KCNQ5: variants seen among roughly 807,000 people sequenced by gnomAD.
The protein encoded by KCNQ5 is potassium voltage-gated channel subfamily Q member 5.
In KCNQ5, 30 loss-of-function variants were observed where a neutral mutation model predicts 98.2. The observed-to-expected ratio is 0.31, with a 90% CI of 0.23 to 0.41. KCNQ5 has a LOEUF of 0.41. Ranked by LOEUF, KCNQ5 falls within the 10% of genes least tolerant of loss-of-function variation. The probability of loss-of-function intolerance (pLI) is 1.00; values close to 1 mark genes in which losing one functional copy is unlikely to be tolerated. For synonymous variants in KCNQ5, 458 were observed against 449.4 expected (o/e 1.02, Z -0.24); for missense variants, 835 against 1,182.5 (o/e 0.71, Z 4.31).
intron 1 of KCNQ5, among the ~76,000 whole-genome samples, chr6:72,754,265 A>G (rs762378185): frequency 2.0e-5 from 3 of 152,098 alleles, no homozygotes; most frequent in Non-Finnish European, 4.4e-5. Flanking sequence ...CTATTTTTAT[A>G]TCTATTGACA....
At chr6:72,931,103 T>A (rs891956561) in intron 1 of KCNQ5, among the ~76,000 whole-genome samples, 1 of 152,196 alleles carries the variant, frequency 6.6e-6, no homozygotes, top group African/African-American at 2.4e-5. Context: ...TATAAAAGCA[T>A]ACAGACTCTG....
intron 9 of KCNQ5, among the ~76,000 whole-genome samples, chr6:73,128,098 T>C (rs4635988): frequency 0.96 from 145,784 of 152,200 alleles, 69,813 homozygotes; most frequent in South Asian, 0.99. Context: ...TACAAGCCAT[T>C]AATCTGAAGA....
chr6:72,885,554 G>A (rs1047231821), intron 1 of KCNQ5, among the ~76,000 whole-genome samples: 1 of 152,146 alleles, frequency 6.6e-6, no homozygotes, highest in Non-Finnish European at 1.5e-5. Flanking sequence ...CTAACAATAT[G>A]AAGGAATATG....
intron 1 of KCNQ5, among the ~76,000 whole-genome samples, chr6:72,851,477 T>C (rs1251364051): frequency 6.6e-6 from 1 of 152,172 alleles, no homozygotes; most frequent in Non-Finnish European, 1.5e-5. Flanking sequence ...CTAAATGTCA[T>C]AGTTTTCTGG....
chr6:72,760,570 G>A (rs1772217483), intron 1 of KCNQ5, among the ~76,000 whole-genome samples: 1 of 151,900 alleles, frequency 6.6e-6, no homozygotes. Flanking sequence ...AAAAGTGAAA[G>A]GCATTTTTAG....
At chr6:72,802,465 A>G (rs1265427199) in intron 1 of KCNQ5, among the ~76,000 whole-genome samples, 1 of 152,158 alleles carries the variant, frequency 6.6e-6, no homozygotes, top group Non-Finnish European at 1.5e-5. Context: ...AACAAAATAA[A>G]CAATCCTCTT....
At chr6:72,935,076 T>C (rs1765850877) in intron 1 of KCNQ5, among the ~76,000 whole-genome samples, 1 of 145,328 alleles carries the variant, frequency 6.9e-6, no homozygotes, top group Non-Finnish European at 1.5e-5. Flanking sequence ...TTTTTTTTTT[T>C]TTTTTTTTTT....
chr6:72,815,191 C>T (rs1399626302), intron 1 of KCNQ5, among the ~76,000 whole-genome samples: 4 of 152,150 alleles, frequency 2.6e-5, no homozygotes, highest in Non-Finnish European at 5.9e-5. Context: ...TGATACATAA[C>T]ATGTAGATGG....
intron 1 of KCNQ5, chr6:72,678,445 T>G (rs1767528293): frequency 6.6e-6 from 1 of 152,130 alleles, no homozygotes. Context: ...CCCCAGGGCT[T>G]GTTCTCTTCA....
At chr6:72,746,874 T>C (rs776544548) in intron 1 of KCNQ5, among the ~76,000 whole-genome samples, 85 of 152,260 alleles carry the variant, frequency 5.6e-4, no homozygotes, top group Middle Eastern at 6.8e-3. Context: ...TAGATACTAA[T>C]GTAGTAGTTG....
intron 1 of KCNQ5, among the ~76,000 whole-genome samples, chr6:72,941,392 C>CCTTCTT (rs1766248555): frequency 1.1e-5 from 1 of 88,446 alleles, no homozygotes; most frequent in East Asian, 3.3e-4. Flanking sequence ...TCCTTCCTTC[C>CCTTCTT]TCCTTTCCTC....
intron 1 of KCNQ5, among the ~76,000 whole-genome samples, chr6:72,706,771 A>G (rs536076607): frequency 1.3e-5 from 2 of 152,178 alleles, no homozygotes; most frequent in Admixed American, 1.3e-4. Flanking sequence ...ACTACTGCAA[A>G]TGTTCATAAA....
chr6:72,969,400 T>A (rs1767765481), intron 1 of KCNQ5, among the ~76,000 whole-genome samples: 1 of 152,294 alleles, frequency 6.6e-6, no homozygotes, highest in Admixed American at 6.5e-5. Flanking sequence ...CTTGCTGAAA[T>A]TCAGTTGTTT....
chr6:73,025,187 C>T (rs921107315), intron 2 of KCNQ5, among the ~76,000 whole-genome samples: 4 of 152,108 alleles, frequency 2.6e-5, no homozygotes, highest in African/African-American at 7.2e-5. Context: ...TAAAGACATC[C>T]GAGCCAGACA....
At chr6:72,822,133 G>A (rs554293515) in intron 1 of KCNQ5, among the ~76,000 whole-genome samples, 4 of 152,182 alleles carry the variant, frequency 2.6e-5, no homozygotes, top group Non-Finnish European at 4.4e-5. Context: ...AACAGGAGGG[G>A]CCTGGATCTC....
chr6:73,169,890 A>T, intron 11 of KCNQ5, 36 bp downstream of exon 11: 1 of 1,285,808 alleles, frequency 7.8e-7, no homozygotes. Context: ...ATTCAGAGAC[A>T]TACTTATGAT....
In KCNQ5 at chr6:72,837,849, T is replaced by C. The variant is rs367543448; in HGVS notation, c.399-166059T>C. Among the ~76,000 whole-genome samples, 6 of 152,298 alleles carry C rather than the reference T, an allele frequency of 3.9e-5. No individual in the cohort carries two copies. In the East Asian group the frequency reaches 1.2e-3, roughly 29 times the overall value. ...TTAAACATGTTATAGGTTTTTTACC[T>C]TAAATATTTGGAAAGTACACTATAC... On this transcript the variant is annotated intron_variant, in intron 1 of 13. Transcript: ENST00000370398.
At chr6:73,057,974 CA>C (rs1772599812) in intron 3 of KCNQ5, among the ~76,000 whole-genome samples, 1 of 152,082 alleles carries the variant, frequency 6.6e-6, no homozygotes, top group South Asian at 2.1e-4. Flanking sequence ...ACAAACCTAA[CA>C]AAAACAAGCA....
intron 1 of KCNQ5, among the ~76,000 whole-genome samples, chr6:72,837,392 G>T (rs962177746): frequency 3.9e-5 from 6 of 152,142 alleles, no homozygotes; most frequent in African/African-American, 1.4e-4. Context: ...GTCCAGATCT[G>T]AATCCAGATA....
Sources: allele counts gnomAD v4.1 joint callset (sites outside exome capture counted in the v4.1 genomes callset), GRCh38; gene constraint gnomAD v4.1.1; transcripts MANE v1.5; gene names NCBI Gene and HGNC (gene_info 2026-07-23, HGNC 2026-07-21).